Variants in DDX60 observed in about 807,000 individuals in gnomAD.
The protein encoded by DDX60 is DExD/H-box helicase 60.
A neutral mutation model predicts 212.8 loss-of-function variants in DDX60; 165 were observed. The ratio of observed to expected loss-of-function variants is 0.78; its 90% CI spans 0.68 to 0.88. The LOEUF (loss-of-function observed/expected upper bound fraction) is 0.88, where lower values mean the gene tolerates loss of function less well. Among genes scored for constraint, DDX60 ranks in the 40% least tolerant of loss-of-function variants. DDX60 has a pLI of 0.00. For missense variants in DDX60, 1,905 were observed against 2,003.9 expected (o/e 0.95, Z 0.94); for synonymous variants, 703 against 685.3 (o/e 1.03, Z -0.40).
intron 3 of DDX60, 31 bp downstream of exon 3, chr4:168,310,967 T>A: frequency 7.7e-7 from 1 of 1,306,912 alleles, no homozygotes; most frequent in Non-Finnish European, 1.1e-6. Flanking sequence ...GAGCTATGAT[T>A]TCCCGTCTTT....
At chr4:168,315,534 A>G (rs549115104) in intron 1 of DDX60, among the ~76,000 whole-genome samples, 6 of 152,070 alleles carry the variant, frequency 3.9e-5, no homozygotes, top group Non-Finnish European at 8.8e-5. Context: ...GGTTTTAAGC[A>G]CCTCATGCAT....
Position 168,236,242 on chromosome 4 carries a change from C to A in DDX60, c.4533+10G>T, listed in dbSNP as rs779598599. The A allele has an allele frequency of 6.2e-7, 1 of 1,607,240 alleles. No individual in the cohort carries two copies. Among genetic ancestry groups the A allele is most frequent in the South Asian group, 1.1e-5 (1 of 89,930 alleles). ...ACATTACTAAATTTTATCAGAATCA[C>A]ACAGTTTACCTTTGATTGATAAAAC... is the stretch of plus-strand genomic sequence containing the variant. On this transcript the variant is annotated intron_variant, in intron 33 of 37. Coordinates refer to ENST00000393743, the MANE Select transcript of DDX60 (RefSeq NM_017631.6).
Position 168,280,388 on chromosome 4 carries a change from A to C in DDX60, c.1925T>G (p.Val642Gly), listed in dbSNP as rs762409325. The change falls in exon 14 of 38, where the codon GTG (valine) becomes GGG (glycine). Residue 642 changes from valine (V) to glycine (G), a missense_variant. Val to Gly is a moderately radical substitution (Grantham distance 109, BLOSUM62 -3). Transcript: ENST00000393743. The part of the protein sequence containing the change: ...SSCVKLQVEM[V>G]GLTACLKAWK... The stretch of plus-strand genomic sequence containing the variant: ...GGCTTTCAAGCAAGCAGTTAACCCC[A>C]CCATTTCAACCTGAAGTTTCACACA... The C allele has an allele frequency of 2.5e-6, 4 of 1,614,158 alleles. No individual in the cohort carries two copies. In the Admixed American group the frequency reaches 6.7e-5, roughly 27 times the overall value.
chr4:168,277,445 A>C (rs1267914024), intron 14 of DDX60, among the ~76,000 whole-genome samples: 1 of 152,022 alleles, frequency 6.6e-6, no homozygotes, highest in East Asian at 1.9e-4. Flanking sequence ...TGCCCTTGGG[A>C]CCCTCTCTGA....
At chr4:168,300,154 A>ATACCCT (rs1166777821) in intron 6 of DDX60, among the ~76,000 whole-genome samples, 1 of 51,384 alleles carries the variant, frequency 1.9e-5, no homozygotes, top group Non-Finnish European at 3.6e-5. Flanking sequence ...AAAATCATTA[A>ATACCCT]TACAATACTA....
At chr4:168,301,761 T>A (rs1012473519) in intron 6 of DDX60, among the ~76,000 whole-genome samples, 1 of 152,148 alleles carries the variant, frequency 6.6e-6, no homozygotes, top group Non-Finnish European at 1.5e-5. Flanking sequence ...ATCTGCATAG[T>A]CACAAAGCAT....
chr4:168,263,933 T>A (rs1471198246), intron 22 of DDX60, among the ~76,000 whole-genome samples: 1 of 152,226 alleles, frequency 6.6e-6, no homozygotes, highest in Admixed American at 6.6e-5. Context: ...GATTTCTCAC[T>A]GGAAATGTTA....
intron 30 of DDX60, among the ~76,000 whole-genome samples, chr4:168,242,112 G>C (rs1249844274): frequency 6.6e-6 from 1 of 152,200 alleles, no homozygotes; most frequent in Non-Finnish European, 1.5e-5. Flanking sequence ...CAGAAGTCAA[G>C]AACTGAGGTA....
At chr4:168,279,404 T>C (rs1011021497) in intron 14 of DDX60, among the ~76,000 whole-genome samples, 2 of 152,240 alleles carry the variant, frequency 1.3e-5, no homozygotes, top group Non-Finnish European at 2.9e-5. Context: ...TATGGCATCA[T>C]TCAGTTTGCC....
At chr4:168,234,670 C>A (rs567696834) in intron 33 of DDX60, among the ~76,000 whole-genome samples, 6 of 152,012 alleles carry the variant, frequency 3.9e-5, no homozygotes, top group African/African-American at 1.4e-4. Context: ...CAATTACCGA[C>A]CTCTTTTCTT....
chr4:168,272,577 T>G (rs947734246), intron 18 of DDX60, among the ~76,000 whole-genome samples: 4 of 152,222 alleles, frequency 2.6e-5, no homozygotes, highest in Non-Finnish European at 5.9e-5. Flanking sequence ...TCAGCCAACC[T>G]AGCTCGCAGT....
rs755577246 is a variant in DDX60, at chr4:168,220,653, AC to A, written c.5039+1del. On this transcript the variant is annotated splice_donor_variant, in intron 37 of 37. Transcript: ENST00000393743. LOFTEE classifies it high-confidence loss of function. ...AAATCAATATTTAAATATATAACAC[AC>A]CTGATAGATTTAATGGTGAGTGCAA... 4 of 1,403,782 alleles carry A rather than the reference AC, an allele frequency of 2.8e-6. No homozygotes were observed. The highest frequency in any genetic ancestry group is 3.8e-6 in the Non-Finnish European group (4 of 1,039,644). The allele number at this position is 1,403,782 out of a possible 1,614,324, so 87.0% of individuals were successfully genotyped here.
chr4:168,243,399 A>T (rs1316825629), intron 30 of DDX60, among the ~76,000 whole-genome samples: 1 of 152,220 alleles, frequency 6.6e-6, no homozygotes, highest in Non-Finnish European at 1.5e-5. Context: ...AAGGAACTTA[A>T]ACAAATTTAT....
At chr4:168,263,605 C>A (rs1447910454) in intron 22 of DDX60, 1 of 152,080 alleles carries the variant, frequency 6.6e-6, no homozygotes, top group Non-Finnish European at 1.5e-5. Context: ...GAAGGAAGAA[C>A]CCTCATGAAT....
intron 28 of DDX60, among the ~76,000 whole-genome samples, chr4:168,249,570 T>C (rs1346642189): frequency 2.0e-5 from 3 of 152,210 alleles, no homozygotes; most frequent in Non-Finnish European, 4.4e-5. Flanking sequence ...ATAGCAAAGC[T>C]GTCACTATTT....
chr4:168,295,347 G>T (rs1736296616), intron 6 of DDX60, among the ~76,000 whole-genome samples: 1 of 152,164 alleles, frequency 6.6e-6, no homozygotes, highest in Non-Finnish European at 1.5e-5. Flanking sequence ...AACTTAATAG[G>T]TAGACAAGAT....
intron 33 of DDX60, among the ~76,000 whole-genome samples, chr4:168,234,774 C>T (rs932159834): frequency 1.3e-5 from 2 of 152,002 alleles, no homozygotes; most frequent in South Asian, 2.1e-4. Context: ...AAGGACTTTA[C>T]GGCTTTAGAT....
chr4:168,248,229 C>G lies in DDX60; in HGVS notation c.3922G>C (p.Ala1308Pro). The G allele has an allele frequency of 6.2e-7, 1 of 1,610,372 alleles. No homozygotes were observed. Among genetic ancestry groups the G allele is most frequent in the Non-Finnish European group, 8.5e-7 (1 of 1,178,722 alleles). Reference protein sequence around the residue: ...VNMPCKSVVFAQNSVYLDALN... With the variant: ...VNMPCKSVVFPQNSVYLDALN... ...GCATCCAGATAGACTGAGTTTTGAG[C>G]AAAAACCACAGATTTACAAGGCATG... The change falls in exon 29 of 38, where the codon GCT becomes CCT. Residue 1308 changes from alanine to proline, a missense_variant. Transcript: ENST00000393743.
rs141609855 is a variant in DDX60, at chr4:168,267,974, T to C, written c.2796A>G (p.Gln932=). The change falls in exon 21 of 38, where the codon CAA becomes CAG. Residue 932 remains glutamine, a synonymous_variant. Coordinates refer to ENST00000393743, the MANE Select transcript of DDX60 (RefSeq NM_017631.6). The stretch of plus-strand genomic sequence containing the variant: ...CTTGTTTCCAGTACCATTTTACCGA[T>C]TGTAGCCACCTTAAAAAATAAATGT... ...SNPEHLTEWL[Q]SVKWYWKQED... is the part of the protein sequence containing the mutation. The C allele has an allele frequency of 1.2e-4, 197 of 1,609,072 alleles. No individual in the cohort carries two copies. The highest frequency in any genetic ancestry group is 1.6e-4 in the Non-Finnish European group (188 of 1,177,886).
Sources: allele counts gnomAD v4.1 joint callset (sites outside exome capture counted in the v4.1 genomes callset), GRCh38; gene constraint gnomAD v4.1.1; transcripts MANE v1.5; gene names NCBI Gene and HGNC (gene_info 2026-07-23, HGNC 2026-07-21).